ITGA7: variants seen among roughly 807,000 people sequenced by gnomAD.
ITGA7 encodes integrin alpha-7.
A neutral mutation model predicts 131.6 loss-of-function variants in ITGA7; 84 were observed. The ratio of observed to expected loss-of-function variants is 0.64; its 90% CI spans 0.54 to 0.77. ITGA7 has a LOEUF of 0.77. ITGA7 is among the 30% of genes least tolerant of loss of function. ITGA7 has a pLI of 0.00. For missense variants in ITGA7, 1,399 were observed against 1,482.9 expected (o/e 0.94, Z 0.93); for synonymous variants, 548 against 600.7 (o/e 0.91, Z 1.28).
At chr12:55,693,985 G>A in intron 19 of ITGA7, 36 bp downstream of exon 19, 3 of 1,515,320 alleles carry the variant, frequency 2.0e-6, no homozygotes, top group Admixed American at 1.7e-5. Flanking sequence ...CAAGGAGGGA[G>A]GGTGACCATG....
chr12:55,686,834 G>A (rs376919045), intron 24 of ITGA7, among the ~76,000 whole-genome samples: 115 of 152,318 alleles, frequency 7.5e-4, no homozygotes, highest in African/African-American at 2.0e-3. Flanking sequence ...CCTGGAGGCC[G>A]TTCTCCGTGC....
intron 11 of ITGA7, 62 bp downstream of exon 11, chr12:55,697,154 G>A (rs975564602): frequency 8.3e-6 from 13 of 1,574,486 alleles, no homozygotes; most frequent in East Asian, 7.0e-5. Flanking sequence ...CTACCACCTC[G>A]AAGTGACCCC....
chr12:55,696,918 T>A lies in ITGA7; in HGVS notation c.1718A>T (p.Asp573Val). Residue 573 changes from aspartate to valine, a missense_variant, in exon 12 of 25, where the codon GAC becomes GTC. By Grantham distance (152) the Asp-to-Val change is radical. Transcript: ENST00000257879. ...GTCCACCTGGAGCTGGAACATGGCG[T>A]CTCCACAGACTCGGTCATGCTGGTG... Reference protein sequence around the residue: ...LKHQHDRVCGDAMFQLQENVK... With the variant: ...LKHQHDRVCGVAMFQLQENVK... 6.2e-7 allele frequency: 1 copy of A among 1,614,118 alleles called. No individual in the cohort carries two copies. The highest frequency in any genetic ancestry group is 8.5e-7 in the Non-Finnish European group (1 of 1,180,000).
chr12:55,697,572 A>G, intron 9 of ITGA7, 26 bp from the exon 10 acceptor site: 1 of 1,610,546 alleles, frequency 6.2e-7, no homozygotes. Flanking sequence ...CAAGAGCACA[A>G]GAAACATGAG....
chr12:55,693,129 C>G lies in ITGA7; in HGVS notation c.2712+12G>C, dbSNP rs547187404. On this transcript the variant is annotated intron_variant, in intron 20 of 24. Coordinates refer to ENST00000257879, the MANE Select transcript of ITGA7 (RefSeq NM_002206.3). Reference sequence around the variant, plus strand: ...TCCCCACATCTAACCCCCACCCCCACCTAAGCCTCACCAGGTGGAGGATGT... The same window carrying G: ...TCCCCACATCTAACCCCCACCCCCAGCTAAGCCTCACCAGGTGGAGGATGT... 9 of 1,613,860 alleles carry G rather than the reference C, an allele frequency of 5.6e-6. No homozygotes were observed. In the South Asian group the frequency reaches 9.9e-5, roughly 18 times the overall value.
upstream of ITGA7, among the ~76,000 whole-genome samples, chr12:55,714,400 C>T (rs1876352050): frequency 6.6e-6 from 1 of 151,506 alleles, no homozygotes; most frequent in African/African-American, 2.4e-5. Context: ...CGCCTGTAGT[C>T]CCAGCTACTT....
intron 21 of ITGA7, 53 bp downstream of exon 21, chr12:55,692,791 T>A: frequency 6.4e-7 from 1 of 1,559,072 alleles, no homozygotes; most frequent in Non-Finnish European, 8.7e-7. Flanking sequence ...GTACCCTTCC[T>A]GGACACGCAG....
At position 55,701,014 on chromosome 12, in the gene ITGA7, C is replaced by T; in HGVS notation, c.555G>A (p.Glu185=). The T allele has an allele frequency of 1.9e-6, 3 of 1,614,250 alleles. No homozygotes were observed. The highest frequency in any genetic ancestry group is 1.1e-5 in the South Asian group (1 of 91,088). Residue 185 remains glutamate (E), a synonymous_variant, in exon 4 of 25, where the codon GAG becomes GAA. Coordinates refer to ENST00000257879, the MANE Select transcript of ITGA7 (RefSeq NM_002206.3). ...ELDGGEWKFC[E]GRPQGHEQFG... ...ATTGTTCATGGCCTTGGGGGCGTCC[C>T]TCACAGAACTTCCATTCCCCACCAT...
chr12:55,704,820 G>A (rs755097601), intron 1 of ITGA7, among the ~76,000 whole-genome samples: 1 of 152,196 alleles, frequency 6.6e-6, no homozygotes, highest in African/African-American at 2.4e-5. Flanking sequence ...GGGAAGGAGA[G>A]AGTGGGGAGA....
rs1418147969 is a variant in ITGA7 at position 55,694,925 on chromosome 12, T to C, written c.2049A>G (p.Pro683=). ...TGACCATCAGCTCCAGGCCAATGAC[T>C]GGCTGCCCACTCAGTGCAAACAGGG... ...TTALFALSGQ[P]VIGLELMVTN... The change falls in exon 15 of 25, where the codon CCA becomes CCG. Residue 683 remains proline (P), a synonymous_variant. Coordinates refer to ENST00000257879, the MANE Select transcript of ITGA7 (RefSeq NM_002206.3). This position sits in a 1 kb window ranked among gnomAD's most constrained non-coding sequence, Gnocchi z 5.3. 6.2e-7 allele frequency: 1 copy of C among 1,613,992 alleles called. No individual in the cohort carries two copies. Among genetic ancestry groups the C allele is most frequent in the Non-Finnish European group, 8.5e-7 (1 of 1,179,998 alleles).
upstream of ITGA7, among the ~76,000 whole-genome samples, chr12:55,714,950 TC>T (rs1876409522): frequency 7.0e-6 from 1 of 142,638 alleles, no homozygotes; most frequent in African/African-American, 2.6e-5. Context: ...AACCTCTGCC[TC>T]CCAGGTTCAA....
At chr12:55,716,102 G>T (rs369905868), upstream of ITGA7, 82 of 1,598,832 alleles carry the variant, frequency 5.1e-5, no homozygotes, top group African/African-American at 5.5e-4. Flanking sequence ...GCCGGAGGGG[G>T]CCCGGCGTAC....
chr12:55,701,441 T>C, intron 3 of ITGA7: 2 of 1,551,386 alleles, frequency 1.3e-6, no homozygotes, highest in Non-Finnish European at 1.7e-6. Flanking sequence ...AAGACACAAT[T>C]AAGCCACCAC....
In ITGA7 at chr12:55,684,608, G is replaced by A. The variant is rs757728834; in HGVS notation, c.*450C>T. 10 of 176,408 alleles carry A rather than the reference G, an allele frequency of 5.7e-5. No individual in the cohort carries two copies. The highest frequency in any genetic ancestry group is 1.7e-4 in the South Asian group (1 of 5,990). 10.9% of individuals were successfully genotyped at this position (176,408 alleles called of 1,614,324 possible). ...TTTTTTAATAAATAGACGAAACCAC[G>A]AAACCACTAGACTGATGGCAGCAAA... On this transcript the variant is annotated 3_prime_UTR_variant, in exon 25 of 25. Transcript: ENST00000257879.
In ITGA7 at chr12:55,688,888, C is replaced by T; in HGVS notation, c.2914G>A (p.Val972Met). Residue 972 changes from valine (V) to methionine (M), a missense_variant, in exon 22 of 25, where the codon GTG becomes ATG. Transcript: ENST00000257879. Reference sequence around the variant, plus strand: ...CAGAGACGGCCCCAGACATGCAGCACAGCCGCGCGGTCAAAGCTGTAGAGT... The same window carrying T: ...CAGAGACGGCCCCAGACATGCAGCATAGCCGCGCGGTCAAAGCTGTAGAGT... ...CPLYSFDRAA[V>M]LHVWGRLWNS... 1 of 1,614,078 alleles carries T rather than the reference C, an allele frequency of 6.2e-7. No individual in the cohort carries two copies. Among genetic ancestry groups the T allele is most frequent in the South Asian group, 1.1e-5 (1 of 91,080 alleles).
At chr12:55,698,951 C>T in intron 5 of ITGA7, 34 bp from the exon 6 acceptor site, 1 of 1,561,422 alleles carries the variant, frequency 6.4e-7, no homozygotes, top group South Asian at 1.2e-5. Context: ...TAAGTCTTCA[C>T]CCCAAGACTC....
chr12:55,689,047 C>T lies in ITGA7; in HGVS notation c.2845-90G>A, dbSNP rs1369157329. The T allele has an allele frequency of 1.6e-5, 15 of 936,110 alleles. No homozygotes were observed. In the Admixed American group the frequency reaches 2.7e-4, roughly 17 times the overall value. The allele number at this position is 936,110 out of a possible 1,614,324, so 58.0% of individuals were successfully genotyped here. ...CCCATTTTCCTTACTTGACCTCAAA[C>T]TCCCCTCCTCCAGGAAGTCTTCTCA... On this transcript the variant is annotated intron_variant, in intron 21 of 24. Transcript: ENST00000257879.
chr12:55,707,577 G>C lies in ITGA7; in HGVS notation c.106C>G (p.Leu36Val). 6.2e-7 allele frequency: 1 copy of C among 1,613,932 alleles called. No individual in the cohort carries two copies. Among genetic ancestry groups the C allele is most frequent in the African/African-American group, 1.3e-5 (1 of 75,042 alleles). The change falls in exon 1 of 25, where the codon CTG becomes GTG. Residue 36 changes from leucine to valine, a missense_variant. Leu to Val is a conservative substitution (Grantham distance 32). Transcript: ENST00000257879. The stretch of plus-strand genomic sequence containing the variant: ...TTGCGCAAGGCACCCATCACGTCCA[G>C]ATTGAAGGCGACAGCCCGTGAGAAG... ...LLFSRAVAFN[L>V]DVMGALRKEG...
rs1870857939 is a variant in ITGA7 at position 55,688,928 on chromosome 12, C to T, written c.2874G>A (p.Val958=). ...LDCARGTANC[V]VFSCPLYSFD... is the part of the protein sequence containing the mutation. Reference sequence around the variant, plus strand: ...AGCTGTAGAGTGGGCAGCTGAACACCACACAGTTGGCCGTGCCCCGGGCGC... The same window carrying T: ...AGCTGTAGAGTGGGCAGCTGAACACTACACAGTTGGCCGTGCCCCGGGCGC... Residue 958 remains valine (V), a synonymous_variant, in exon 22 of 25, where the codon GTG becomes GTA. Coordinates refer to ENST00000257879, the MANE Select transcript of ITGA7 (RefSeq NM_002206.3). The T allele has an allele frequency of 6.2e-7, 1 of 1,613,952 alleles. No homozygotes were observed. The highest frequency in any genetic ancestry group is 8.5e-7 in the Non-Finnish European group (1 of 1,179,954).
Sources: allele counts gnomAD v4.1 joint callset (sites outside exome capture counted in the v4.1 genomes callset), GRCh38; gene constraint gnomAD v4.1.1; non-coding constraint Gnocchi (gnomAD v3.1); transcripts MANE v1.5; gene names NCBI Gene and HGNC (gene_info 2026-07-23, HGNC 2026-07-21).